The following ENTPD1 variants were observed in gnomAD, a reference collection of about 807,000 sequenced individuals.
ENTPD1 encodes ATP diphosphohydrolase.
A neutral mutation model predicts 57.0 loss-of-function variants in ENTPD1; 33 were observed. That is an observed-to-expected ratio of 0.58 (90% confidence interval 0.44 to 0.77). The LOEUF is 0.77. Ranked by LOEUF, ENTPD1 falls within the 30% of genes least tolerant of loss-of-function variation. The pLI, the probability that ENTPD1 is intolerant of heterozygous loss-of-function variation, is 0.00. For synonymous variants in ENTPD1, 202 were observed against 218.8 expected (o/e 0.92, Z 0.68); for missense variants, 501 against 603.4 (o/e 0.83, Z 1.78).
intron 1 of ENTPD1, among the ~76,000 whole-genome samples, chr10:95,770,377 A>G (rs931626596): frequency 6.6e-6 from 1 of 152,010 alleles, no homozygotes; most frequent in African/African-American, 2.4e-5. Flanking sequence ...AACTGGGTCT[A>G]ATGCTGCTCA....
chr10:95,866,226 C>A lies in ENTPD1; in HGVS notation c.1376C>A (p.Thr459Asn). The change falls in exon 10 of 10, where the codon ACC becomes AAC. Residue 459 changes from threonine (T) to asparagine (N), a missense_variant. Physicochemically the swap from Thr to Asn is moderately conservative, Grantham distance 65 (BLOSUM62 0). Transcript: ENST00000371205. ...GWTLGYMLNLTNMIPAEQPLS... is the reference protein window; with the variant it reads ...GWTLGYMLNLNNMIPAEQPLS... Reference sequence around the variant, plus strand: ...ACTTTGGGCTACATGCTGAACCTGACCAACATGATCCCAGCTGAGCAACCA... The same window carrying A: ...ACTTTGGGCTACATGCTGAACCTGAACAACATGATCCCAGCTGAGCAACCA... 1 of 1,614,142 alleles carries A rather than the reference C, an allele frequency of 6.2e-7. No individual in the cohort carries two copies. The highest frequency in any genetic ancestry group is 8.5e-7 in the Non-Finnish European group (1 of 1,180,020).
At chr10:95,818,139 G>A (rs1351988181) in intron 1 of ENTPD1, among the ~76,000 whole-genome samples, 2 of 152,218 alleles carry the variant, frequency 1.3e-5, no homozygotes, top group Non-Finnish European at 2.9e-5. Context: ...CTTGGAGAAT[G>A]AGGGGAATGG....
intron 2 of ENTPD1, among the ~76,000 whole-genome samples, chr10:95,831,998 A>G (rs2098398041): frequency 6.6e-6 from 1 of 152,210 alleles, no homozygotes; most frequent in African/African-American, 2.4e-5. Context: ...CTTGTTTTGA[A>G]CTTATAGTAT....
rs192273777 is a variant in ENTPD1 at position 95,775,299 on chromosome 10, C to G, written c.16+19044C>G. On this transcript the variant is annotated intron_variant, in intron 1 of 9. Transcript: ENST00000371205. The stretch of plus-strand genomic sequence containing the variant: ...CAGGGACAATTTGACTTCCTCTTTT[C>G]CTAATTGAATACCCTTTATTTCTTT... 2.2e-4 allele frequency among the ~76,000 whole-genome samples: 34 copies of G among 152,300 alleles called. 1 individual carries two copies. Among genetic ancestry groups the G allele is most frequent in the Admixed American group, 1.9e-3 (29 of 15,296 alleles).
At position 95,791,560 on chromosome 10, in the gene ENTPD1, A is replaced by G. The variant is rs988649624; in HGVS notation, c.17-31677A>G. Reference sequence around the variant, plus strand: ...CAAGATAGATTGCTAACAGTTAGACATGTCTGGCAATGGCTTAGACTACCT... The same window carrying G: ...CAAGATAGATTGCTAACAGTTAGACGTGTCTGGCAATGGCTTAGACTACCT... On this transcript the variant is annotated intron_variant, in intron 1 of 9. Transcript: ENST00000371205. This position sits in a 1 kb window ranked among gnomAD's most constrained non-coding sequence, Gnocchi z 4.1. 1.3e-5 allele frequency among the ~76,000 whole-genome samples: 2 copies of G among 152,216 alleles called. No homozygotes were observed. Among genetic ancestry groups the G allele is most frequent in the Admixed American group, 6.5e-5 (1 of 15,270 alleles).
intron 7 of ENTPD1, among the ~76,000 whole-genome samples, chr10:95,848,206 C>T (rs2098439077): frequency 1.3e-5 from 2 of 152,154 alleles, no homozygotes; most frequent in African/African-American, 4.8e-5. Flanking sequence ...CTAAATCTGC[C>T]TCTTCCTTGT....
chr10:95,808,549 G>A (rs1393770207), intron 1 of ENTPD1, among the ~76,000 whole-genome samples: 1 of 152,114 alleles, frequency 6.6e-6, no homozygotes, highest in Non-Finnish European at 1.5e-5. Flanking sequence ...AAGACAGCTT[G>A]GTAGACATGA....
chr10:95,755,714 T>C (rs1293410581), upstream of ENTPD1: 2 of 1,537,124 alleles, frequency 1.3e-6, no homozygotes, highest in East Asian at 2.4e-5. Flanking sequence ...CCAGAGGCTT[T>C]ATGGGGAGGG....
At chr10:95,760,659 TTG>T (rs2098054172) in intron 1 of ENTPD1, among the ~76,000 whole-genome samples, 1 of 152,126 alleles carries the variant, frequency 6.6e-6, no homozygotes, top group Non-Finnish European at 1.5e-5. Context: ...GCTTTCCCTC[TTG>T]TGTTGTCTTT....
chr10:95,740,716 A>G (rs545709793), intron 1 of ENTPD1, among the ~76,000 whole-genome samples: 55 of 152,320 alleles, frequency 3.6e-4, no homozygotes, highest in African/African-American at 1.3e-3. Flanking sequence ...TGATCTTAGC[A>G]TGATCTTCTG....
At chr10:95,792,852 G>A in intron 1 of ENTPD1, among the ~76,000 whole-genome samples, 1 of 152,210 alleles carries the variant, frequency 6.6e-6, no homozygotes, top group African/African-American at 2.4e-5. Flanking sequence ...GCAGAGTAAA[G>A]ATGTGCTCTG....
intron 3 of ENTPD1, among the ~76,000 whole-genome samples, chr10:95,841,257 C>T (rs1256218082): frequency 2.0e-5 from 3 of 152,122 alleles, no homozygotes; most frequent in East Asian, 3.9e-4. Flanking sequence ...CATGGTGGTG[C>T]GTGCCTGTAG....
In ENTPD1 at chr10:95,872,940, C is replaced by T. The variant is rs2098482095; in HGVS notation, c.*6557C>T. The T allele has an allele frequency of 9.1e-6, 9 of 985,360 alleles. No homozygotes were observed. The highest frequency in any genetic ancestry group is 1.1e-5 in the Non-Finnish European group (9 of 829,926). 61.0% of individuals were successfully genotyped at this position (985,360 alleles called of 1,614,324 possible). A position where few individuals can be genotyped will look rare whatever the true frequency, so the allele number is the denominator to read the frequency against. ...CTGTGTAGTTTGCCATGCAGCACTTCATTGTACACATTATTAAAACAGAAT... is the reference window on the plus strand; with the variant it reads ...CTGTGTAGTTTGCCATGCAGCACTTTATTGTACACATTATTAAAACAGAAT... On this transcript the variant is annotated 3_prime_UTR_variant, in exon 10 of 10. Coordinates refer to ENST00000371205, the MANE Select transcript of ENTPD1 (RefSeq NM_001776.6).
At chr10:95,724,889 T>C (rs1317212168) in intron 1 of ENTPD1, among the ~76,000 whole-genome samples, 1 of 152,232 alleles carries the variant, frequency 6.6e-6, no homozygotes, top group Non-Finnish European at 1.5e-5. Context: ...TTTTTAAAAG[T>C]AAAATTTGAG....
chr10:95,855,575 C>T lies in ENTPD1; in HGVS notation c.1075-4894C>T, dbSNP rs577902696. Among the ~76,000 whole-genome samples the T allele has an allele frequency of 3.4e-3, 511 of 152,130 alleles. 1 individual carries two copies. Among genetic ancestry groups the T allele is most frequent in the African/African-American group, 0.012 (483 of 41,474 alleles). ...GGCATGTTTTTGCAGTGGCTGGTAC[C>T]AGTTGTTCCTTTCCATGTTTAGTGC... On this transcript the variant is annotated intron_variant, in intron 7 of 9. Transcript: ENST00000371205.
intron 1 of ENTPD1, among the ~76,000 whole-genome samples, chr10:95,727,788 T>G (rs1043207391): frequency 1.3e-5 from 2 of 152,208 alleles, no homozygotes; most frequent in Admixed American, 1.3e-4. Context: ...CTTAGCAGCA[T>G]GTTAAAAATA....
intron 1 of ENTPD1, among the ~76,000 whole-genome samples, chr10:95,740,905 C>G (rs2097999706): frequency 6.6e-6 from 1 of 152,212 alleles, no homozygotes; most frequent in South Asian, 2.1e-4. Context: ...AGGTCTTGCT[C>G]TGGATTAGGT....
At chr10:95,740,876 A>G (rs117194922) in intron 1 of ENTPD1, among the ~76,000 whole-genome samples, 1 of 152,222 alleles carries the variant, frequency 6.6e-6, no homozygotes, top group Non-Finnish European at 1.5e-5. Context: ...CTCAGCCTTC[A>G]TAGAACTGAA....
chr10:95,724,956 CT>C (rs1713568323), intron 1 of ENTPD1, among the ~76,000 whole-genome samples: 1 of 152,298 alleles, frequency 6.6e-6, no homozygotes, highest in African/African-American at 2.4e-5. Context: ...TCTCTCTCCT[CT>C]TTGTCTGGGA....
Sources: gnomAD v4.1 joint callset for allele counts (sites outside exome capture counted in the v4.1 genomes callset) on GRCh38, gnomAD v4.1.1 for gene constraint, Gnocchi (gnomAD v3.1) non-coding constraint, MANE v1.5 for transcripts, NCBI Gene and HGNC (gene_info 2026-07-23, HGNC 2026-07-21) for gene names.